DLEU7: variants seen among roughly 807,000 people sequenced by gnomAD.
DLEU7 encodes the protein deleted in lymphocytic leukemia 7, also known as leukemia-associated protein 7.
Under a neutral mutation model 16.0 loss-of-function variants are expected in DLEU7, and 17 were observed. The observed-to-expected ratio is 1.06, with a 90% CI of 0.73 to 1.59. DLEU7 has a LOEUF of 1.59. Among genes scored for constraint, DLEU7 ranks in the 40% most tolerant of loss-of-function variants. The pLI is 0.00. For synonymous variants in DLEU7, 113 were observed against 139.8 expected, an observed-to-expected ratio of 0.81 and a Z score of 1.35; for missense variants, 308 against 314.9, an observed-to-expected ratio of 0.98 and a Z score of 0.17.
intron 1 of DLEU7, among the ~76,000 whole-genome samples, chr13:50,784,309 G>A (rs1025843899): frequency 6.6e-6 from 1 of 152,184 alleles, no homozygotes; most frequent in Non-Finnish European, 1.5e-5. Flanking sequence ...CAGCTCCTTA[G>A]AGGCCCATAA....
chr13:50,730,972 T>C (rs1873896793), intron 1 of DLEU7, among the ~76,000 whole-genome samples: 1 of 152,136 alleles, frequency 6.6e-6, no homozygotes, highest in African/African-American at 2.4e-5. Context: ...CAGAGGCTAC[T>C]CCTTTTACAC....
intron 1 of DLEU7, among the ~76,000 whole-genome samples, chr13:50,832,146 C>T (rs1049788506): frequency 1.6e-4 from 24 of 152,102 alleles, no homozygotes; most frequent in African/African-American, 5.3e-4. Context: ...TTATTAATTA[C>T]TGCCTCAATT....
intron 1 of DLEU7, among the ~76,000 whole-genome samples, chr13:50,714,681 G>T (rs1042123321): frequency 6.6e-6 from 1 of 152,102 alleles, no homozygotes; most frequent in South Asian, 2.1e-4. Flanking sequence ...AGAGCTTTCA[G>T]GCTGCTAAAA....
At chr13:50,715,087 C>G (rs936937967) in intron 1 of DLEU7, among the ~76,000 whole-genome samples, 3 of 152,132 alleles carry the variant, frequency 2.0e-5, no homozygotes, top group Admixed American at 2.0e-4. Context: ...GGGCTGTCGG[C>G]GGGAACTGCC....
At chr13:50,725,616 A>T (rs919553093) in intron 1 of DLEU7, among the ~76,000 whole-genome samples, 3 of 152,156 alleles carry the variant, frequency 2.0e-5, no homozygotes, top group African/African-American at 7.2e-5. Context: ...TGTTTTCATC[A>T]AGAGCTAGTA....
chr13:50,790,669 C>T (rs1018822759), intron 1 of DLEU7, among the ~76,000 whole-genome samples: 2 of 151,900 alleles, frequency 1.3e-5, no homozygotes, highest in Non-Finnish European at 2.9e-5. Flanking sequence ...GTGGGGTGGG[C>T]GGACAACGTG....
At chr13:50,762,811 A>T (rs1270122032) in intron 1 of DLEU7, among the ~76,000 whole-genome samples, 5 of 151,850 alleles carry the variant, frequency 3.3e-5, no homozygotes, top group Non-Finnish European at 7.4e-5. Context: ...AAAAAAAAAA[A>T]AAAAAAGCAA....
intron 1 of DLEU7, among the ~76,000 whole-genome samples, chr13:50,809,297 C>G (rs1421341785): frequency 1.3e-5 from 2 of 152,118 alleles, no homozygotes; most frequent in Admixed American, 6.6e-5. Flanking sequence ...AATATAGCCA[C>G]TTTGGGACTG....
intron 1 of DLEU7, among the ~76,000 whole-genome samples, chr13:50,779,861 A>G (rs1406503350): frequency 6.6e-6 from 1 of 152,142 alleles, no homozygotes; most frequent in Non-Finnish European, 1.5e-5. Context: ...TGATTCGTCA[A>G]AGAGAGTTTT....
intron 1 of DLEU7, among the ~76,000 whole-genome samples, chr13:50,834,152 A>G (rs1248877048): frequency 7.0e-6 from 1 of 143,568 alleles, no homozygotes; most frequent in African/African-American, 2.4e-5. Context: ...TGACTAAAAC[A>G]CACAAAAAAA....
rs550488422 is a variant in DLEU7 at position 50,827,731 on chromosome 13, G to C, written c.460-4211C>G. On this transcript the variant is annotated intron_variant, in intron 1 of 1. Coordinates refer to ENST00000504404, the MANE Select transcript of DLEU7 (RefSeq NM_001306135.2). ...ATTATTGACCTTATGTATATAGAAAGTAAACTTGAGAAATAAAGATACAAA... is the reference window on the plus strand; with the variant it reads ...ATTATTGACCTTATGTATATAGAAACTAAACTTGAGAAATAAAGATACAAA... 5.1e-4 allele frequency among the ~76,000 whole-genome samples: 77 copies of C among 152,122 alleles called. 1 individual carries two copies. The highest frequency in any genetic ancestry group is 9.4e-4 in the Non-Finnish European group (64 of 67,984).
intron 1 of DLEU7, among the ~76,000 whole-genome samples, chr13:50,747,458 T>C (rs889519759): frequency 2.0e-5 from 3 of 151,798 alleles, no homozygotes; most frequent in Admixed American, 6.6e-5. Flanking sequence ...GCACAAAGAA[T>C]GTGTTTTAGG....
rs1877745965 is a variant in DLEU7, at chr13:50,843,407, C to T, written c.240G>A (p.Ala80=). Reference sequence around the variant, plus strand: ...CCTCCTCTGGGGAGTTCGCCCGCGCCGCGGTCCGCCGACTCCTGGTCCCCA... The same window carrying T: ...CCTCCTCTGGGGAGTTCGCCCGCGCTGCGGTCCGCCGACTCCTGGTCCCCA... ...GGVGTRSRRT[A]ARANSPEEEV... The change falls in exon 1 of 2, where the codon GCG becomes GCA. Residue 80 remains alanine (A), a synonymous_variant. Transcript: ENST00000504404. The surrounding 1 kb of genome is among the most constrained non-coding windows in gnomAD (Gnocchi z 5.7). 7.6e-7 allele frequency: 1 copy of T among 1,315,116 alleles called. No individual in the cohort carries two copies. The highest frequency in any genetic ancestry group is 9.7e-7 in the Non-Finnish European group (1 of 1,036,146). The allele number at this position is 1,315,116 out of a possible 1,614,324, so 81.5% of individuals were successfully genotyped here.
At chr13:50,753,988 G>T (rs1403670668) in intron 1 of DLEU7, among the ~76,000 whole-genome samples, 1 of 152,200 alleles carries the variant, frequency 6.6e-6, no homozygotes, top group East Asian at 1.9e-4. Context: ...GGTTTTGAAG[G>T]TTCCTTTTGG....
intron 1 of DLEU7, among the ~76,000 whole-genome samples, chr13:50,759,233 G>C (rs566923555): frequency 2.0e-5 from 3 of 152,092 alleles, no homozygotes; most frequent in Non-Finnish European, 4.4e-5. Context: ...GAGATATCTG[G>C]AAGGAACAAA....
intron 1 of DLEU7, among the ~76,000 whole-genome samples, chr13:50,841,004 G>A (rs1877639148): frequency 2.0e-5 from 3 of 152,180 alleles, no homozygotes; most frequent in African/African-American, 4.8e-5. Context: ...AGAAGTGACT[G>A]TGGCATTAAG....
chr13:50,840,126 G>A (rs754277868), intron 1 of DLEU7: 1 of 152,108 alleles, frequency 6.6e-6, no homozygotes, highest in Admixed American at 6.6e-5. Flanking sequence ...ATCTGATGTT[G>A]GGGAGGTTCC....
At chr13:50,797,851 A>G (rs1254501018) in intron 1 of DLEU7, among the ~76,000 whole-genome samples, 5 of 152,194 alleles carry the variant, frequency 3.3e-5, no homozygotes. Context: ...CCAGAATTTA[A>G]TGGGGGCCAC....
chr13:50,788,016 C>T (rs1320255556), intron 1 of DLEU7, among the ~76,000 whole-genome samples: 3 of 152,282 alleles, frequency 2.0e-5, no homozygotes, highest in East Asian at 1.9e-4. Context: ...CAGCTCTGTT[C>T]GTGGCACAGC....
Sources: allele counts gnomAD v4.1 joint callset (sites outside exome capture counted in the v4.1 genomes callset), GRCh38; gene constraint gnomAD v4.1.1; non-coding constraint Gnocchi (gnomAD v3.1); transcripts MANE v1.5; gene names NCBI Gene and HGNC (gene_info 2026-07-23, HGNC 2026-07-21).